SLC7A2: variants seen among roughly 807,000 people sequenced by gnomAD.
The protein encoded by SLC7A2 is solute carrier family 7 member 2.
SLC7A2 carries 48 observed loss-of-function variants against 58.9 expected under a neutral mutation model. The ratio of observed to expected loss-of-function variants is 0.82; its 90% CI spans 0.65 to 1.04. The LOEUF is 1.04. Ranked by LOEUF, SLC7A2 falls within the 50% of genes least tolerant of loss-of-function variation. The pLI is 0.00. For missense variants in SLC7A2, 1,029 were observed against 818.8 expected, an observed-to-expected ratio of 1.26 and a Z score of -3.13; for synonymous variants, 363 against 314.5, an observed-to-expected ratio of 1.15 and a Z score of -1.63.
chr8:17,537,793 T>G (rs1801737861), intron 2 of SLC7A2, among the ~76,000 whole-genome samples: 1 of 152,184 alleles, frequency 6.6e-6, no homozygotes, highest in Non-Finnish European at 1.5e-5. Flanking sequence ...TGCCCAAGCC[T>G]GACACCCAGC....
intron 2 of SLC7A2, among the ~76,000 whole-genome samples, chr8:17,530,938 C>T (rs1205899108): frequency 6.6e-6 from 1 of 152,040 alleles, no homozygotes; most frequent in East Asian, 1.9e-4. Flanking sequence ...ATTTAATAAG[C>T]ATTAATTGTT....
At chr8:17,509,321 C>T (rs1326142447) in intron 2 of SLC7A2, among the ~76,000 whole-genome samples, 1 of 151,920 alleles carries the variant, frequency 6.6e-6, no homozygotes, top group African/African-American at 2.4e-5. Context: ...TCTTCTTCTT[C>T]TTTTGAGACA....
At position 17,550,320 on chromosome 8, in the gene SLC7A2, G is replaced by A. The variant is rs781696766; in HGVS notation, c.718G>A (p.Gly240Arg). The change falls in exon 6 of 13, where the codon GGA (glycine) becomes AGA (arginine). Residue 240 changes from glycine to arginine, a missense_variant. Gly to Arg is a moderately radical substitution (Grantham distance 125). Coordinates refer to ENST00000494857, the MANE Select transcript of SLC7A2 (RefSeq NM_001370338.1). ...TCTTAGAGAGCCACCTTCTGAAAAC[G>A]GAACAAGTATCTATGGGGCTGGTGG... ...ASAREPPSEN[G>R]TSIYGAGGFM... The A allele has an allele frequency of 3.4e-5, 55 of 1,613,910 alleles. No individual in the cohort carries two copies. Among genetic ancestry groups the A allele is most frequent in the Non-Finnish European group, 4.2e-5 (49 of 1,179,930 alleles).
chr8:17,538,934 T>C, intron 2 of SLC7A2: 1 of 1,598,500 alleles, frequency 6.3e-7, no homozygotes, highest in Non-Finnish European at 8.5e-7. Flanking sequence ...TAAGATTTAT[T>C]GTCAGGGCCT....
At chr8:17,529,419 G>T (rs1319225484) in intron 2 of SLC7A2, among the ~76,000 whole-genome samples, 2 of 152,294 alleles carry the variant, frequency 1.3e-5, no homozygotes, top group South Asian at 2.1e-4. Flanking sequence ...CCCTTCATTG[G>T]GGATGGGGGA....
chr8:17,500,172 T>TA (rs1350149916), intron 1 of SLC7A2: 2 of 152,210 alleles, frequency 1.3e-5, no homozygotes, highest in Non-Finnish European at 1.5e-5. Context: ...TGTACTCTAT[T>TA]AAAAAATACC....
In SLC7A2 at chr8:17,543,305, C is replaced by T. The variant is rs762777742; in HGVS notation, c.-22-13C>T. On this transcript the variant is annotated splice_polypyrimidine_tract_variant and intron_variant, in intron 2 of 12. Coordinates refer to ENST00000494857, the MANE Select transcript of SLC7A2 (RefSeq NM_001370338.1). ...ATTCCAGATCAGCTTCTAACCTCCT[C>T]CCTTCTGCTCAGGTCGCCTTCGTCA... 2 of 1,578,792 alleles carry T rather than the reference C, an allele frequency of 1.3e-6. No homozygotes were observed. Among genetic ancestry groups the T allele is most frequent in the Non-Finnish European group, 1.7e-6 (2 of 1,163,636 alleles).
intron 2 of SLC7A2, among the ~76,000 whole-genome samples, chr8:17,510,081 G>A (rs971510649): frequency 3.5e-4 from 53 of 151,978 alleles, no homozygotes; most frequent in African/African-American, 1.1e-3. Context: ...TTAGCCGGGC[G>A]TGATAGCAGG....
rs755915995 is a variant in SLC7A2, at chr8:17,543,695, T to A, written c.356T>A (p.Leu119His). Reference sequence around the variant, plus strand: ...TGGGCCTTCATCACTGGCTGGAATCTCATTTTATCGTATGTGATAGGTATG... The same window carrying A: ...TGGGCCTTCATCACTGGCTGGAATCACATTTTATCGTATGTGATAGGTATG... ...ELWAFITGWNLILSYVIGTSS... is the reference protein window; with the variant it reads ...ELWAFITGWNHILSYVIGTSS... The change falls in exon 3 of 13, where the codon CTC (leucine) becomes CAC (histidine). Residue 119 changes from leucine (L) to histidine (H), a missense_variant. Coordinates refer to ENST00000494857, the MANE Select transcript of SLC7A2 (RefSeq NM_001370338.1). 1 of 1,518,920 alleles carries A rather than the reference T, an allele frequency of 6.6e-7. No individual in the cohort carries two copies. 94.1% of individuals were successfully genotyped at this position (1,518,920 alleles called of 1,614,324 possible).
intron 2 of SLC7A2, among the ~76,000 whole-genome samples, chr8:17,513,922 G>A (rs1350017514): frequency 2.0e-5 from 3 of 152,156 alleles, no homozygotes; most frequent in Non-Finnish European, 4.4e-5. Context: ...TAAAAAAGTA[G>A]CAATCAAGTT....
In SLC7A2 at chr8:17,537,408, C is replaced by T. The variant is rs1006276375; in HGVS notation, c.-22-5910C>T. ...GGTTTCTGCACCTTGTCAAGCTGGT[C>T]CCCAGTGTGTGTGACTTCAGCCTGC... On this transcript the variant is annotated intron_variant, in intron 2 of 12. Transcript: ENST00000494857. Among the ~76,000 whole-genome samples, 14 of 152,256 alleles carry T rather than the reference C, an allele frequency of 9.2e-5. 1 individual carries two copies. Among genetic ancestry groups the T allele is most frequent in the African/African-American group, 3.4e-4 (14 of 41,552 alleles).
At chr8:17,558,578 A>T (rs75973307) in intron 9 of SLC7A2, among the ~76,000 whole-genome samples, 181 bp downstream of exon 9, 2,476 of 152,324 alleles carry the variant, frequency 0.016, 63 homozygotes, top group African/African-American at 0.057. Context: ...AAAGAATCAA[A>T]TGCAAGTTGA....
chr8:17,560,287 T>G (rs1289548360), intron 9 of SLC7A2, 41 bp from the exon 10 acceptor site: 1 of 1,521,100 alleles, frequency 6.6e-7, no homozygotes, highest in Admixed American at 1.7e-5. Flanking sequence ...GGGCCAAATG[T>G]CTATTTGAGA....
chr8:17,536,329 C>A (rs1801664236), intron 2 of SLC7A2, among the ~76,000 whole-genome samples: 1 of 152,014 alleles, frequency 6.6e-6, no homozygotes, highest in Admixed American at 6.6e-5. Flanking sequence ...CTTTGGGAGA[C>A]CAAGGAAGGA....
rs144456004 is a variant in SLC7A2 at position 17,563,813 on chromosome 8, T to C, written c.1780+102T>C. 2.4e-4 allele frequency: 171 copies of C among 718,684 alleles called. 1 individual carries two copies. In the African/African-American group the frequency reaches 2.7e-3, roughly 11 times the overall value. The allele number at this position is 718,684 out of a possible 1,614,324, so 44.5% of individuals were successfully genotyped here. Reference sequence around the variant, plus strand: ...GGGAATAAAGGCTTTTTTTTCCCGCTTCTTTCTTTCCTAATTCTTAGGGAT... The same window carrying C: ...GGGAATAAAGGCTTTTTTTTCCCGCCTCTTTCTTTCCTAATTCTTAGGGAT... On this transcript the variant is annotated intron_variant, in intron 12 of 12. Coordinates refer to ENST00000494857, the MANE Select transcript of SLC7A2 (RefSeq NM_001370338.1).
chr8:17,516,150 G>T (rs1167863328), intron 2 of SLC7A2, among the ~76,000 whole-genome samples: 1 of 151,958 alleles, frequency 6.6e-6, no homozygotes, highest in East Asian at 1.9e-4. Context: ...TTTGCTATTT[G>T]TCAGACACTT....
chr8:17,558,199 G>A lies in SLC7A2; in HGVS notation c.1196-96G>A, dbSNP rs549388795. On this transcript the variant is annotated intron_variant, in intron 8 of 12. Coordinates refer to ENST00000494857, the MANE Select transcript of SLC7A2 (RefSeq NM_001370338.1). ...GTTGACTTATCCTTGGTACTAAAAC[G>A]AAGTGGCAGTCAGATGTCCCTGACT... 21 of 736,690 alleles carry A rather than the reference G, an allele frequency of 2.9e-5. 1 individual carries two copies. The highest frequency in any genetic ancestry group is 1.2e-4 in the Admixed American group (6 of 50,406). The allele number at this position is 736,690 out of a possible 1,614,324, so 45.6% of individuals were successfully genotyped here. A position where few individuals can be genotyped will look rare whatever the true frequency, so the allele number is the denominator to read the frequency against.
intron 4 of SLC7A2, among the ~76,000 whole-genome samples, chr8:17,547,130 G>A (rs1420498529): frequency 1.3e-5 from 2 of 152,114 alleles, no homozygotes; most frequent in Non-Finnish European, 2.9e-5. Context: ...CTGCTATGAA[G>A]AAATACCCAA....
intron 4 of SLC7A2, 132 bp from the exon 5 acceptor site, chr8:17,548,546 C>T: frequency 1.6e-6 from 1 of 644,852 alleles, no homozygotes; most frequent in South Asian, 2.3e-5. Flanking sequence ...TAAGAACTAG[C>T]AGTAGAGGTA....
Sources: allele counts gnomAD v4.1 joint callset (sites outside exome capture counted in the v4.1 genomes callset), GRCh38; gene constraint gnomAD v4.1.1; transcripts MANE v1.5; gene names NCBI Gene and HGNC (gene_info 2026-07-23, HGNC 2026-07-21).